The following PDE3B variants were observed in gnomAD, a reference collection of about 807,000 sequenced individuals.
PDE3B encodes the protein phosphodiesterase 3B.
In PDE3B, 66 loss-of-function variants were observed where a neutral mutation model predicts 116.8. The observed-to-expected ratio is 0.56, with a 90% CI of 0.46 to 0.69. PDE3B has a LOEUF of 0.69. Ranked by LOEUF, PDE3B falls within the 30% of genes least tolerant of loss-of-function variation. PDE3B has a pLI of 0.00. For missense variants in PDE3B, 1,384 were observed against 1,368.1 expected (o/e 1.01, Z -0.18); for synonymous variants, 595 against 533.6 (o/e 1.12, Z -1.59).
chr11:14,830,983 C>G (rs1004396529), intron 8 of PDE3B, 137 bp downstream of exon 8: 1 of 422,212 alleles, frequency 2.4e-6, no homozygotes, highest in Non-Finnish European at 4.1e-6. Flanking sequence ...GTCACTATAA[C>G]TGAAATATTG....
At chr11:14,729,184 C>T (rs1303340518) in intron 1 of PDE3B, among the ~76,000 whole-genome samples, 1 of 152,188 alleles carries the variant, frequency 6.6e-6, no homozygotes, top group East Asian at 1.9e-4. Context: ...ACATTATTGA[C>T]TGATGTGAAC....
rs376606093 is a variant in PDE3B, at chr11:14,793,694, T to C, written c.1415+4452T>C. Among the ~76,000 whole-genome samples, 678 of 152,282 alleles carry C rather than the reference T, an allele frequency of 4.5e-3. 9 individuals are homozygous for C. The highest frequency in any genetic ancestry group is 0.016 in the African/African-American group (661 of 41,568). On this transcript the variant is annotated intron_variant, in intron 4 of 15. Transcript: ENST00000282096. ...ATAGGCAAGTTGTGTTCAATTACCC[T>C]GTGGGCTATCAATTATAGTTACCTC...
intron 4 of PDE3B, among the ~76,000 whole-genome samples, chr11:14,801,754 G>A (rs1858774976): frequency 6.6e-6 from 1 of 152,242 alleles, no homozygotes; most frequent in South Asian, 2.1e-4. Flanking sequence ...TCCCCCAGGT[G>A]CTCTGTCCCA....
At chr11:14,837,981 ATTTTATTTTT>A (rs1203944078) in intron 11 of PDE3B, among the ~76,000 whole-genome samples, 1 of 151,274 alleles carries the variant, frequency 6.6e-6, no homozygotes, top group Non-Finnish European at 1.5e-5. Context: ...AATTTATTTT[ATTTTATTTTT>A]TTTTTGAGAC....
intron 7 of PDE3B, 112 bp downstream of exon 7, chr11:14,819,321 G>A: frequency 1.5e-6 from 1 of 651,518 alleles, no homozygotes; most frequent in Non-Finnish European, 2.8e-6. Context: ...TTAAAATGAA[G>A]ATTATTATTT....
At chr11:14,885,865 T>C in the PDE3B span, 2 of 1,613,622 alleles carry the variant, frequency 1.2e-6, no homozygotes, top group Admixed American at 1.7e-5. Flanking sequence ...CTTTACTACA[T>C]CATAGCCATT....
Position 14,688,134 on chromosome 11 carries a change from TCTCTCTCTCC to T in PDE3B, c.978+43085_978+43094del, listed in dbSNP as rs1372840264. Among the ~76,000 whole-genome samples the T allele has an allele frequency of 4.7e-3, 659 of 138,996 alleles. 1 individual carries two copies. The highest frequency in any genetic ancestry group is 0.014 in the Middle Eastern group (4 of 284). 91.2% of individuals were successfully genotyped at this position (138,996 alleles called of 152,430 possible). ...CTCTTTCTCTCTCTCTCTCTCTCTC[TCTCTCTCTCC>T]CTCCCTCCCTCCATCCCTCTCTCTC... On this transcript the variant is annotated intron_variant, in intron 1 of 15. Transcript: ENST00000282096.
intron 1 of PDE3B, among the ~76,000 whole-genome samples, chr11:14,679,634 G>T (rs573181010): frequency 9.9e-5 from 15 of 151,972 alleles, no homozygotes; most frequent in African/African-American, 3.6e-4. Context: ...ATTTCTGGCT[G>T]GGATCACTCT....
intron 12 of PDE3B, among the ~76,000 whole-genome samples, chr11:14,848,977 A>G (rs1482995562): frequency 1.3e-5 from 2 of 151,980 alleles, no homozygotes; most frequent in Middle Eastern, 3.2e-3. Flanking sequence ...CCAGAATTGG[A>G]AAAAACTACT....
At chr11:14,792,865 C>T (rs2133922567) in intron 4 of PDE3B, among the ~76,000 whole-genome samples, 1 of 152,272 alleles carries the variant, frequency 6.6e-6, no homozygotes, top group East Asian at 1.9e-4. Context: ...ACCTGGAGGT[C>T]CTTCTCCCTT....
At position 14,818,239 on chromosome 11, in the gene PDE3B, G is replaced by C; in HGVS notation, c.1579G>C (p.Gly527Arg). 1 of 1,613,510 alleles carries C rather than the reference G, an allele frequency of 6.2e-7. No homozygotes were observed. The highest frequency in any genetic ancestry group is 1.7e-5 in the Admixed American group (1 of 59,972). The change falls in exon 6 of 16, where the codon GGC becomes CGC. Residue 527 changes from glycine to arginine, a missense_variant. By Grantham distance (125) the Gly-to-Arg change is moderately radical (BLOSUM62 -2). Transcript: ENST00000282096. ...NSSNHGPVSTGSLTNRSPIEF... is the reference protein window; with the variant it reads ...NSSNHGPVSTRSLTNRSPIEF... ...TTCCAACCATGGACCAGTGTCTACTGGCTCTCTAACTAATCGATCACCCAT... is the reference window on the plus strand; with the variant it reads ...TTCCAACCATGGACCAGTGTCTACTCGCTCTCTAACTAATCGATCACCCAT...
chr11:14,692,640 C>A (rs777248762), intron 1 of PDE3B, among the ~76,000 whole-genome samples: 1 of 151,988 alleles, frequency 6.6e-6, no homozygotes, highest in East Asian at 1.9e-4. Context: ...TGTTTTGGGG[C>A]AACACGAATC....
intron 12 of PDE3B, among the ~76,000 whole-genome samples, chr11:14,853,001 G>T (rs1565165750): frequency 6.6e-6 from 1 of 150,774 alleles, no homozygotes; most frequent in Non-Finnish European, 1.5e-5. Flanking sequence ...GTCCCATTAA[G>T]TCTCTCTCTC....
At chr11:14,738,814 C>T (rs1220008143) in intron 1 of PDE3B, among the ~76,000 whole-genome samples, 3 of 152,130 alleles carry the variant, frequency 2.0e-5, no homozygotes, top group Non-Finnish European at 4.4e-5. Flanking sequence ...TCAGTTTTCT[C>T]CATATGGCTA....
the PDE3B span, chr11:14,880,251 G>A: frequency 2.4e-5 from 38 of 1,613,002 alleles, no homozygotes; most frequent in African/African-American, 4.0e-4. Flanking sequence ...TTTCTTTGGA[G>A]AAAGTAGATG....
At chr11:14,796,204 C>A (rs368998099) in intron 4 of PDE3B, among the ~76,000 whole-genome samples, 2 of 152,312 alleles carry the variant, frequency 1.3e-5, no homozygotes, top group South Asian at 2.1e-4. Context: ...AGGACATGAA[C>A]TCTTCCTTTT....
Position 14,644,189 on chromosome 11 carries a change from C to A in PDE3B, c.114C>A (p.Pro38=). ...RNGYVKSCVS[P]LRQDPPRGFF... is the part of the protein sequence containing the mutation. Reference sequence around the variant, plus strand: ...GCTACGTGAAGAGCTGCGTGAGCCCCTTGCGGCAGGACCCTCCGCGCGGCT... The same window carrying A: ...GCTACGTGAAGAGCTGCGTGAGCCCATTGCGGCAGGACCCTCCGCGCGGCT... The change falls in exon 1 of 16, where the codon CCC becomes CCA. Residue 38 remains proline, a synonymous_variant. Transcript: ENST00000282096. The A allele has an allele frequency of 6.3e-7, 1 of 1,597,610 alleles. No homozygotes were observed. The highest frequency in any genetic ancestry group is 8.5e-7 in the Non-Finnish European group (1 of 1,177,960).
chr11:14,893,729 C>T, the PDE3B span, among the ~76,000 whole-genome samples: 2 of 152,146 alleles, frequency 1.3e-5, no homozygotes, highest in African/African-American at 2.4e-5. Flanking sequence ...TTATAAGGAT[C>T]GTTGTGATTA....
At chr11:14,735,036 C>T (rs1203360511) in intron 1 of PDE3B, among the ~76,000 whole-genome samples, 1 of 152,122 alleles carries the variant, frequency 6.6e-6, no homozygotes, top group African/African-American at 2.4e-5. Flanking sequence ...GAATAGCCCA[C>T]CCCATCATCT....
Sources: allele counts gnomAD v4.1 joint callset (sites outside exome capture counted in the v4.1 genomes callset), GRCh38; gene constraint gnomAD v4.1.1; transcripts MANE v1.5; gene names NCBI Gene and HGNC (gene_info 2026-07-23, HGNC 2026-07-21).